DCC: variants seen among roughly 807,000 people sequenced by gnomAD.
The protein encoded by DCC is DCC netrin 1 receptor, also known as netrin receptor DCC.
Under a neutral mutation model 172.5 loss-of-function variants are expected in DCC, and 58 were observed. The ratio of observed to expected loss-of-function variants is 0.34; its 90% CI spans 0.27 to 0.42. The LOEUF (loss-of-function observed/expected upper bound fraction) is 0.42, where lower values mean the gene tolerates loss of function less well. Among genes scored for constraint, DCC ranks in the 10% least tolerant of loss-of-function variants. The pLI, the probability that DCC is intolerant of heterozygous loss-of-function variation, is 1.00. For missense variants in DCC, 1,740 were observed against 1,791.0 expected (o/e 0.97, Z 0.51); for synonymous variants, 709 against 644.5 (o/e 1.10, Z -1.52).
At chr18:52,941,750 A>G (rs2145525238) in intron 5 of DCC, among the ~76,000 whole-genome samples, 1 of 152,052 alleles carries the variant, frequency 6.6e-6, no homozygotes, top group East Asian at 1.9e-4. Flanking sequence ...CATGTAGTTT[A>G]TATATTTCAT....
intron 1 of DCC, among the ~76,000 whole-genome samples, chr18:52,693,897 T>G (rs1381545507): frequency 6.6e-6 from 1 of 151,980 alleles, no homozygotes. Context: ...AATGAACAAA[T>G]GGGGAAGAAG....
intron 12 of DCC, among the ~76,000 whole-genome samples, chr18:53,305,071 A>C (rs1398492450): frequency 6.6e-6 from 1 of 152,176 alleles, no homozygotes; most frequent in Non-Finnish European, 1.5e-5. Context: ...CATGTAAGAC[A>C]TGTCTTTGCT....
intron 2 of DCC, among the ~76,000 whole-genome samples, chr18:52,851,521 A>AC (rs1175561822): frequency 6.6e-6 from 1 of 152,094 alleles, no homozygotes; most frequent in Non-Finnish European, 1.5e-5. Context: ...TATTTGGTTA[A>AC]AAATCTAGTC....
At chr18:52,955,053 C>T (rs2040719470) in intron 5 of DCC, among the ~76,000 whole-genome samples, 1 of 152,104 alleles carries the variant, frequency 6.6e-6, no homozygotes, top group South Asian at 2.1e-4. Flanking sequence ...TATATTGAGA[C>T]ATGATTATCA....
chr18:53,233,843 G>A (rs192048855), intron 12 of DCC, among the ~76,000 whole-genome samples: 6 of 152,322 alleles, frequency 3.9e-5, no homozygotes, highest in East Asian at 3.9e-4. Context: ...GCCAGGTACA[G>A]TGGCTCAAGC....
intron 27 of DCC, among the ~76,000 whole-genome samples, chr18:53,526,286 C>T (rs144237557): frequency 7.8e-4 from 118 of 152,178 alleles, no homozygotes; most frequent in African/African-American, 2.6e-3. Flanking sequence ...GGCCCTAAGC[C>T]GAGACTGGCA....
intron 9 of DCC, among the ~76,000 whole-genome samples, chr18:53,186,604 A>G (rs1408329426): frequency 6.6e-6 from 1 of 152,218 alleles, no homozygotes; most frequent in African/African-American, 2.4e-5. Flanking sequence ...TCATCTTTAG[A>G]GCATATTTTT....
At chr18:53,153,572 T>C (rs1461931875) in intron 7 of DCC, among the ~76,000 whole-genome samples, 1 of 152,214 alleles carries the variant, frequency 6.6e-6, no homozygotes, top group Admixed American at 6.5e-5. Flanking sequence ...GTGTATTTCT[T>C]GCATTATTTG....
At chr18:53,143,100 A>T (rs1219684742) in intron 7 of DCC, among the ~76,000 whole-genome samples, 1 of 152,282 alleles carries the variant, frequency 6.6e-6, no homozygotes, top group South Asian at 2.1e-4. Context: ...TTTACCACTC[A>T]CTAAGTGGTG....
At chr18:52,773,001 A>G (rs1288715953) in intron 2 of DCC, among the ~76,000 whole-genome samples, 1 of 152,210 alleles carries the variant, frequency 6.6e-6, no homozygotes, top group African/African-American at 2.4e-5. Context: ...CCTTGATGGC[A>G]GATTGACTGT....
intron 26 of DCC, among the ~76,000 whole-genome samples, chr18:53,493,782 A>T (rs2045986768): frequency 6.6e-6 from 1 of 150,882 alleles, no homozygotes; most frequent in Non-Finnish European, 1.5e-5. Flanking sequence ...CTCTGATCTT[A>T]GTTATTTCTT....
intron 5 of DCC, among the ~76,000 whole-genome samples, chr18:53,006,054 T>A (rs1233290610): frequency 6.6e-6 from 1 of 152,212 alleles, no homozygotes; most frequent in Non-Finnish European, 1.5e-5. Flanking sequence ...GGATTATTTC[T>A]GTGGTTGCTA....
At chr18:53,453,167 A>G (rs909257459) in intron 23 of DCC, among the ~76,000 whole-genome samples, 2 of 152,158 alleles carry the variant, frequency 1.3e-5, no homozygotes, top group Non-Finnish European at 2.9e-5. Flanking sequence ...TGCCCGCCTC[A>G]GCCTCCCAAA....
chr18:52,388,917 T>G (rs1246943995), intron 1 of DCC, among the ~76,000 whole-genome samples: 2 of 152,254 alleles, frequency 1.3e-5, no homozygotes, highest in South Asian at 4.1e-4. Context: ...CTCCACACAG[T>G]GGACACTTGG....
chr18:52,915,830 A>G (rs2040031610), intron 3 of DCC, among the ~76,000 whole-genome samples: 1 of 152,128 alleles, frequency 6.6e-6, no homozygotes, highest in African/African-American at 2.4e-5. Flanking sequence ...AACCATTTCT[A>G]TGTTGAAGGA....
intron 7 of DCC, among the ~76,000 whole-genome samples, chr18:53,149,043 A>G (rs2043960871): frequency 6.6e-6 from 1 of 151,602 alleles, no homozygotes; most frequent in Non-Finnish European, 1.5e-5. Flanking sequence ...TTGTATTTTT[A>G]GTAGAGATGG....
intron 1 of DCC, among the ~76,000 whole-genome samples, chr18:52,352,708 C>T (rs1237793774): frequency 1.3e-5 from 2 of 152,072 alleles, no homozygotes; most frequent in East Asian, 1.9e-4. Flanking sequence ...TGTGTCAATG[C>T]CCAGCCCTTC....
Position 53,458,160 on chromosome 18 carries a change from A to G in DCC, c.3393-1072A>G, listed in dbSNP as rs558042774. ...TTCTCTAGTCTGCTGTCAAAACTAG[A>G]TTTTAACAGTTTGCATTATTTCTTA... On this transcript the variant is annotated intron_variant, in intron 23 of 28. Transcript: ENST00000442544. 2.0e-5 allele frequency among the ~76,000 whole-genome samples: 3 copies of G among 152,326 alleles called. No individual in the cohort carries two copies. In the South Asian group the frequency reaches 6.2e-4, roughly 32 times the overall value.
At chr18:52,449,315 A>G (rs73955639) in intron 1 of DCC, among the ~76,000 whole-genome samples, 3,532 of 152,318 alleles carry the variant, frequency 0.023, 130 homozygotes, top group African/African-American at 0.081. Flanking sequence ...CCCTTTGAAA[A>G]TTAGACAAAA....
Sources: gnomAD v4.1 joint callset for allele counts (sites outside exome capture counted in the v4.1 genomes callset) on GRCh38, gnomAD v4.1.1 for gene constraint, MANE v1.5 for transcripts, NCBI Gene and HGNC (gene_info 2026-07-23, HGNC 2026-07-21) for gene names.